The following SCN7A variants were observed in gnomAD, a reference collection of about 807,000 sequenced individuals.
SCN7A encodes the protein sodium channel protein type 7 subunit alpha.
In SCN7A, 138 loss-of-function variants were observed where a neutral mutation model predicts 155.2. The observed-to-expected ratio is 0.89, with a 90% CI of 0.77 to 1.02. The LOEUF is 1.02. SCN7A is among the 50% of genes least tolerant of loss of function. The pLI is 0.00. For synonymous variants in SCN7A, 693 were observed against 649.0 expected (o/e 1.07, Z -1.03); for missense variants, 2,058 against 1,986.6 (o/e 1.04, Z -0.68).
chr2:166,422,454 G>A (rs916493208), intron 19 of SCN7A, among the ~76,000 whole-genome samples: 4 of 152,112 alleles, frequency 2.6e-5, no homozygotes, highest in African/African-American at 9.7e-5. Context: ...AGTTTAAATA[G>A]TGTTGTAAGG....
chr2:166,488,917 T>C (rs557259336), intron 1 of SCN7A, among the ~76,000 whole-genome samples: 2 of 152,256 alleles, frequency 1.3e-5, no homozygotes, highest in Admixed American at 1.3e-4. Flanking sequence ...AGACTACAGG[T>C]GTGAGCCACT....
intron 20 of SCN7A, 58 bp from the exon 21 acceptor site, chr2:166,417,043 T>C: frequency 7.5e-7 from 1 of 1,331,674 alleles, no homozygotes; most frequent in East Asian, 2.5e-5. Flanking sequence ...TTTTAGTTTT[T>C]GATCAGTTTG....
At chr2:166,461,360 T>A (rs1283019916) in intron 10 of SCN7A, among the ~76,000 whole-genome samples, 2 of 152,154 alleles carry the variant, frequency 1.3e-5, no homozygotes, top group Non-Finnish European at 2.9e-5. Flanking sequence ...TCTACTATGA[T>A]AGAACTTATC....
intron 20 of SCN7A, 29 bp from the exon 21 acceptor site, chr2:166,417,014 G>A (rs1446397866): frequency 6.7e-7 from 1 of 1,487,338 alleles, no homozygotes; most frequent in African/African-American, 1.4e-5. Context: ...GTAAACTTTA[G>A]ATAGGAAATC....
chr2:166,484,320 G>A (rs1247226408), intron 2 of SCN7A, among the ~76,000 whole-genome samples: 1 of 151,474 alleles, frequency 6.6e-6, no homozygotes, highest in Non-Finnish European at 1.5e-5. Context: ...TAAATCTGGA[G>A]GTAAATATAC....
chr2:166,475,093 CACATATATAT>C (rs1702755311), intron 3 of SCN7A, among the ~76,000 whole-genome samples: 3 of 129,562 alleles, frequency 2.3e-5, no homozygotes, highest in Non-Finnish European at 4.9e-5. Context: ...TATATATATA[CACATATATAT>C]GTATATATAT....
chr2:166,429,215 T>C lies in SCN7A; in HGVS notation c.2652A>G (p.Glu884=). The change falls in exon 17 of 26, where the codon GAA becomes GAG. Residue 884 remains glutamate (E), a synonymous_variant. Coordinates refer to ENST00000643258, the MANE Select transcript of SCN7A (RefSeq NM_002976.4). Reference sequence around the variant, plus strand: ...TTTCACCTCCATAGAACATTTCTTCTTCTTCAGAGATAGCAATATCAACAG... The same window carrying C: ...TTTCACCTCCATAGAACATTTCTTCCTCTTCAGAGATAGCAATATCAACAG... ...CSTVDIAISE[E]EEMFYGGERS... 1 of 1,548,562 alleles carries C rather than the reference T, an allele frequency of 6.5e-7. No homozygotes were observed. Among genetic ancestry groups the C allele is most frequent in the Non-Finnish European group, 8.7e-7 (1 of 1,145,240 alleles).
intron 25 of SCN7A, 70 bp downstream of exon 25, chr2:166,409,595 C>A (rs1701150547): frequency 8.5e-7 from 1 of 1,174,748 alleles, no homozygotes; most frequent in African/African-American, 1.6e-5. Context: ...GACTATATTT[C>A]ATATTTACTG....
intron 2 of SCN7A, among the ~76,000 whole-genome samples, chr2:166,481,513 CAG>C (rs1360180477): frequency 1.3e-5 from 2 of 152,080 alleles, no homozygotes; most frequent in Non-Finnish European, 2.9e-5. Flanking sequence ...GTTTTTGAAA[CAG>C]AGAAAATTGT....
At chr2:166,475,925 T>A (rs1363924883) in intron 3 of SCN7A, among the ~76,000 whole-genome samples, 6 of 151,942 alleles carry the variant, frequency 3.9e-5, no homozygotes, top group Admixed American at 3.9e-4. Flanking sequence ...TTTTGCAAAA[T>A]CTTTGGTTTT....
At chr2:166,456,722 A>G in intron 11 of SCN7A, 148 bp downstream of exon 11, 2 of 374,480 alleles carry the variant, frequency 5.3e-6, no homozygotes, top group Non-Finnish European at 8.9e-6. Flanking sequence ...TGTGACCACC[A>G]TGGGACCAGC....
intron 3 of SCN7A, among the ~76,000 whole-genome samples, chr2:166,475,106 A>ATATATATATATACATATATATG (rs1702759803): frequency 1.7e-4 from 18 of 103,002 alleles, no homozygotes; most frequent in African/African-American, 8.1e-4. Context: ...ATATATATGT[A>ATATATATATATACATATATATG]TATATATATA....
chr2:166,473,247 T>A (rs577459100), intron 5 of SCN7A, among the ~76,000 whole-genome samples: 1 of 151,786 alleles, frequency 6.6e-6, no homozygotes, highest in African/African-American at 2.4e-5. Context: ...ATTATGTAGG[T>A]AAATGACAAA....
intron 2 of SCN7A, among the ~76,000 whole-genome samples, chr2:166,484,892 C>T (rs538188222): frequency 1.8e-4 from 28 of 151,918 alleles, no homozygotes; most frequent in African/African-American, 6.5e-4. Context: ...CTCAGATGGA[C>T]ATGTCTATGT....
In SCN7A at chr2:166,489,408, A is replaced by G. The variant is rs149272088; in HGVS notation, c.-127-2440T>C. Among the ~76,000 whole-genome samples, 235 of 152,324 alleles carry G rather than the reference A, an allele frequency of 1.5e-3. 1 individual carries two copies. The highest frequency in any genetic ancestry group is 2.5e-3 in the Non-Finnish European group (168 of 68,026). On this transcript the variant is annotated intron_variant, in intron 1 of 25. Coordinates refer to ENST00000643258, the MANE Select transcript of SCN7A (RefSeq NM_002976.4). ...GTTGCTTTCCAGTTAATATTTCTAT[A>G]TTACTTGAACATAACGCACCATGTG...
intron 9 of SCN7A, among the ~76,000 whole-genome samples, chr2:166,463,147 A>T (rs930812490): frequency 6.6e-6 from 1 of 152,184 alleles, no homozygotes; most frequent in African/African-American, 2.4e-5. Flanking sequence ...AGGGTGAGAA[A>T]ACATTTATCG....
intron 5 of SCN7A, among the ~76,000 whole-genome samples, chr2:166,473,094 T>C (rs1702695549): frequency 6.6e-6 from 1 of 151,542 alleles, no homozygotes; most frequent in Admixed American, 6.6e-5. Context: ...ACCTGCGTGA[T>C]GAATAATCTG....
intron 9 of SCN7A, among the ~76,000 whole-genome samples, chr2:166,464,719 C>T (rs767037649): frequency 1.3e-5 from 2 of 152,150 alleles, no homozygotes; most frequent in East Asian, 1.9e-4. Flanking sequence ...CCCGAGCTAT[C>T]GCGGCTCCCA....
chr2:166,493,918 G>A (rs541314746), intron 1 of SCN7A, 50 bp downstream of exon 1: 30 of 152,684 alleles, frequency 2.0e-4, no homozygotes, highest in Non-Finnish European at 4.1e-4. Flanking sequence ...AGCGGATAGC[G>A]GCTATCACCA....
Sources: allele counts gnomAD v4.1 joint callset (sites outside exome capture counted in the v4.1 genomes callset), GRCh38; gene constraint gnomAD v4.1.1; transcripts MANE v1.5; gene names NCBI Gene and HGNC (gene_info 2026-07-23, HGNC 2026-07-21).